Variants in SHANK2 observed in about 807,000 individuals in gnomAD.
The protein encoded by SHANK2 is SH3 and multiple ankyrin repeat domains protein 2.
In SHANK2, 43 loss-of-function variants were observed where a neutral mutation model predicts 133.7. The observed-to-expected ratio is 0.32, with a 90% CI of 0.25 to 0.41. The LOEUF (loss-of-function observed/expected upper bound fraction) is 0.41. Ranked by LOEUF, SHANK2 falls within the 10% of genes least tolerant of loss-of-function variation. The probability of loss-of-function intolerance (pLI) is 1.00; values close to 1 mark genes in which losing one functional copy is unlikely to be tolerated. For synonymous variants in SHANK2, 1,017 were observed against 952.8 expected, an observed-to-expected ratio of 1.07 and a Z score of -1.24; for missense variants, 1,994 against 2,235.8, an observed-to-expected ratio of 0.89 and a Z score of 2.18.
rs555218781 is a variant in SHANK2, at chr11:71,175,551, G to GGAGAGAGAGAGA, written c.-12-28225_-12-28214dup. On this transcript the variant is annotated intron_variant, in intron 2 of 25. Coordinates refer to ENST00000601538, the MANE Select transcript of SHANK2 (RefSeq NM_012309.5). The surrounding 1 kb of genome is among the most constrained non-coding windows in gnomAD (Gnocchi z 4.2). The stretch of plus-strand genomic sequence containing the variant: ...CAGACAGACAGAGGGAGAGGGAGAG[G>GGAGAGAGAGAGA]GAGAGAGAGAGAGAGAGAGAGAGAG... Among the ~76,000 whole-genome samples, 22 of 40,670 alleles carry GGAGAGAGAGAGA rather than the reference G, an allele frequency of 5.4e-4. No individual in the cohort carries two copies. The highest frequency in any genetic ancestry group is 8.2e-4 in the African/African-American group (10 of 12,248). The allele number at this position is 40,670 out of a possible 152,430, so 26.7% of individuals were successfully genotyped here. A position where few individuals can be genotyped will look rare whatever the true frequency, so the allele number is the denominator to read the frequency against.
chr11:71,244,755 T>C (rs1020803227), intron 1 of SHANK2, among the ~76,000 whole-genome samples: 7 of 152,094 alleles, frequency 4.6e-5, no homozygotes, highest in Non-Finnish European at 7.4e-5. Context: ...CAGGCTAGAG[T>C]GCAGTGGGGC....
intron 15 of SHANK2, among the ~76,000 whole-genome samples, chr11:70,688,709 G>A (rs1001801494): frequency 1.7e-4 from 26 of 152,152 alleles, no homozygotes; most frequent in African/African-American, 6.0e-4. Context: ...TGGAGAGGCT[G>A]GGAGGGAACA....
intron 15 of SHANK2, among the ~76,000 whole-genome samples, chr11:70,674,336 T>C (rs1944868573): frequency 6.6e-6 from 1 of 152,020 alleles, no homozygotes; most frequent in Admixed American, 6.5e-5. Flanking sequence ...CACATTGTAA[T>C]GGGAAGTATT....
At chr11:71,123,293 CT>C (rs1220798173) in intron 3 of SHANK2, among the ~76,000 whole-genome samples, 2 of 152,186 alleles carry the variant, frequency 1.3e-5, no homozygotes, top group Non-Finnish European at 2.9e-5. Flanking sequence ...GCAAACCAGC[CT>C]GAGGTCACCA....
chr11:70,665,772 G>A (rs1944667969), intron 15 of SHANK2, among the ~76,000 whole-genome samples: 1 of 152,216 alleles, frequency 6.6e-6, no homozygotes, highest in Admixed American at 6.5e-5. Flanking sequence ...GGAGGAGCAA[G>A]TGAGGCGATG....
rs1162487680 is a variant in SHANK2 at position 70,739,942 on chromosome 11, G to C, written c.1778-41179C>G. On this transcript the variant is annotated intron_variant, in intron 14 of 25. Coordinates refer to ENST00000601538, the MANE Select transcript of SHANK2 (RefSeq NM_012309.5). This position sits in a 1 kb window ranked among gnomAD's most constrained non-coding sequence, Gnocchi z 4.3. Reference sequence around the variant, plus strand: ...TGGCATTCGGTGGCACGCAGGTAGGGCACAGAAGTCCAGCTTGGCTCCTTC... The same window carrying C: ...TGGCATTCGGTGGCACGCAGGTAGGCCACAGAAGTCCAGCTTGGCTCCTTC... 1.3e-5 allele frequency among the ~76,000 whole-genome samples: 2 copies of C among 152,226 alleles called. No individual in the cohort carries two copies. The highest frequency in any genetic ancestry group is 4.1e-4 in the South Asian group (2 of 4,832).
intron 21 of SHANK2, among the ~76,000 whole-genome samples, chr11:70,492,795 T>C: frequency 7.1e-6 from 1 of 140,698 alleles, no homozygotes; most frequent in African/African-American, 2.6e-5. Flanking sequence ...GTGTTTTTTT[T>C]TTTTTTTTTT....
chr11:70,661,671 T>C lies in SHANK2; in HGVS notation c.1861A>G (p.Ile621Val), dbSNP rs139315305. Residue 621 changes from isoleucine (I) to valine (V), a missense_variant, in exon 16 of 26, where the codon ATT (isoleucine) becomes GTT (valine). Around this residue, in one of 5 missense-constraint regions of SHANK2, gnomAD observed 653 missense variants for 563.4 expected, o/e 1.16. Coordinates refer to ENST00000601538, the MANE Select transcript of SHANK2 (RefSeq NM_012309.5). ...YDSFDTSSDC[I>V]IEEKTVVLQK... ...AGGACCACCGTCTTCTCCTCAATAATGCAGTCACTGTAGAGAGAATTCCGG... is the reference window on the plus strand; with the variant it reads ...AGGACCACCGTCTTCTCCTCAATAACGCAGTCACTGTAGAGAGAATTCCGG... 7 of 1,613,994 alleles carry C rather than the reference T, an allele frequency of 4.3e-6. No homozygotes were observed. In the African/African-American group the frequency reaches 6.7e-5, roughly 15 times the overall value.
chr11:70,647,225 C>T (rs2061276398), intron 17 of SHANK2: 3 of 152,200 alleles, frequency 2.0e-5, no homozygotes, highest in Admixed American at 2.0e-4. Context: ...CTTTTATCAT[C>T]TGTATGTAGA....
intron 10 of SHANK2, among the ~76,000 whole-genome samples, chr11:70,955,542 G>A (rs1950908826): frequency 6.6e-6 from 1 of 151,988 alleles, no homozygotes; most frequent in Admixed American, 6.6e-5. Context: ...GTGTATGTGT[G>A]TACTTTACGT....
chr11:70,565,706 T>C (rs1554981782), intron 17 of SHANK2, among the ~76,000 whole-genome samples: 1 of 152,254 alleles, frequency 6.6e-6, no homozygotes, highest in African/African-American at 2.4e-5. Context: ...ACCTGGTGTC[T>C]GGTTGTAAAA....
At chr11:70,920,319 C>G (rs1950332208) in intron 10 of SHANK2, among the ~76,000 whole-genome samples, 1 of 152,136 alleles carries the variant, frequency 6.6e-6, no homozygotes, top group Non-Finnish European at 1.5e-5. Context: ...GTCTCAAACT[C>G]TAAGCTCAAG....
At chr11:70,552,686 C>T (rs1024517933) in intron 17 of SHANK2, among the ~76,000 whole-genome samples, 6 of 152,162 alleles carry the variant, frequency 3.9e-5, no homozygotes, top group African/African-American at 1.2e-4. Context: ...GAGGGTTCTC[C>T]GTGGCGCAGG....
chr11:70,587,156 A>C (rs1554986968), intron 17 of SHANK2, among the ~76,000 whole-genome samples: 1 of 152,106 alleles, frequency 6.6e-6, no homozygotes, highest in Non-Finnish European at 1.5e-5. Flanking sequence ...CGTCACTTCC[A>C]CTGCCGTACA....
At chr11:70,624,356 T>G (rs1236269866) in intron 17 of SHANK2, among the ~76,000 whole-genome samples, 2 of 151,854 alleles carry the variant, frequency 1.3e-5, no homozygotes, top group African/African-American at 4.8e-5. Flanking sequence ...TCCCAAGGGA[T>G]TCCTGCCAGC....
chr11:70,522,121 C>T (rs782099301), intron 17 of SHANK2, among the ~76,000 whole-genome samples: 1 of 152,234 alleles, frequency 6.6e-6, no homozygotes, highest in East Asian at 1.9e-4. Context: ...AGTTCCGCCA[C>T]GTGATTCTGA....
chr11:70,686,001 A>T (rs1945139787), intron 15 of SHANK2, among the ~76,000 whole-genome samples: 1 of 150,630 alleles, frequency 6.6e-6, no homozygotes, highest in Non-Finnish European at 1.5e-5. Flanking sequence ...CTGTCTACCC[A>T]TTCATTCATC....
chr11:70,793,568 G>C (rs1458655405), intron 14 of SHANK2, among the ~76,000 whole-genome samples: 1 of 152,148 alleles, frequency 6.6e-6, no homozygotes, highest in African/African-American at 2.4e-5. Flanking sequence ...TACAGCAAAT[G>C]AGCACACAAA....
At chr11:70,798,912 C>T (rs891270192) in intron 13 of SHANK2, among the ~76,000 whole-genome samples, 19 of 152,220 alleles carry the variant, frequency 1.2e-4, no homozygotes, top group African/African-American at 4.3e-4. Context: ...TGGTGCTTGG[C>T]TGTCCTTACC....
Sources: allele counts gnomAD v4.1 joint callset (sites outside exome capture counted in the v4.1 genomes callset), GRCh38; gene constraint gnomAD v4.1.1; regional missense constraint gnomAD v4.1.1; non-coding constraint Gnocchi (gnomAD v3.1); transcripts MANE v1.5; gene names NCBI Gene and HGNC (gene_info 2026-07-23, HGNC 2026-07-21).